Variants in PHKB observed in about 807,000 individuals in gnomAD.
PHKB encodes the protein phosphorylase b kinase regulatory subunit beta.
Under a neutral mutation model 152.1 loss-of-function variants are expected in PHKB, and 122 were observed. That is an observed-to-expected ratio of 0.80 (90% confidence interval 0.69 to 0.93). PHKB has a LOEUF of 0.93. PHKB is among the 40% of genes least tolerant of loss of function. PHKB has a pLI of 0.00. For synonymous variants in PHKB, 436 were observed against 464.9 expected, an observed-to-expected ratio of 0.94 and a Z score of 0.80; for missense variants, 1,304 against 1,328.4, an observed-to-expected ratio of 0.98 and a Z score of 0.29.
chr16:47,580,496 T>A, intron 8 of PHKB, 138 bp downstream of exon 8: 1 of 598,242 alleles, frequency 1.7e-6, no homozygotes. Context: ...GAACTTTTCC[T>A]TTGAAAATGA....
intron 1 of PHKB, among the ~76,000 whole-genome samples, chr16:47,485,963 A>T (rs79786774): frequency 6.9e-6 from 1 of 144,592 alleles, no homozygotes; most frequent in African/African-American, 2.5e-5. Context: ...ACAAAAGATT[A>T]AAAAAAAAAA....
chr16:47,581,148 A>G (rs750686699), intron 8 of PHKB, among the ~76,000 whole-genome samples: 6 of 152,234 alleles, frequency 3.9e-5, no homozygotes, highest in Non-Finnish European at 7.3e-5. Flanking sequence ...AGGAGGTTAC[A>G]CAGTTGTGCA....
intron 16 of PHKB, among the ~76,000 whole-genome samples, chr16:47,648,000 T>G (rs1280222530): frequency 6.6e-6 from 1 of 152,178 alleles, no homozygotes; most frequent in Non-Finnish European, 1.5e-5. Flanking sequence ...TATACCCCTT[T>G]CAGCGTATAC....
chr16:47,514,327 A>T (rs1207746517), intron 5 of PHKB, among the ~76,000 whole-genome samples: 1 of 152,180 alleles, frequency 6.6e-6, no homozygotes, highest in African/African-American at 2.4e-5. Flanking sequence ...GGATGCCACT[A>T]ATGTGGCTTA....
At chr16:47,565,095 C>G (rs1971542918) in intron 7 of PHKB, 1 of 490,688 alleles carries the variant, frequency 2.0e-6, no homozygotes. Context: ...TTGGTGTAAT[C>G]TTCTCCCTCG....
chr16:47,596,088 G>T (rs1972112742), intron 12 of PHKB, among the ~76,000 whole-genome samples: 1 of 152,208 alleles, frequency 6.6e-6, no homozygotes, highest in East Asian at 1.9e-4. Context: ...AATCATGGGG[G>T]GCGGTTTCCC....
At chr16:47,600,523 T>C (rs777497344) in intron 13 of PHKB, among the ~76,000 whole-genome samples, 4 of 152,186 alleles carry the variant, frequency 2.6e-5, no homozygotes, top group Non-Finnish European at 5.9e-5. Context: ...TTTTGAGCTA[T>C]TTGCAAAAAT....
At chr16:47,521,518 G>A (rs1333919991) in intron 6 of PHKB, among the ~76,000 whole-genome samples, 3 of 152,116 alleles carry the variant, frequency 2.0e-5, no homozygotes, top group African/African-American at 4.8e-5. Flanking sequence ...AGCTTGGCTT[G>A]GTGGCGTACA....
chr16:47,690,548 A>G (rs1437088350), intron 27 of PHKB, among the ~76,000 whole-genome samples: 2 of 152,216 alleles, frequency 1.3e-5, no homozygotes, highest in African/African-American at 4.8e-5. Flanking sequence ...CAGACAACCA[A>G]AATCCCAAAG....
At position 47,613,507 on chromosome 16, in the gene PHKB, T is replaced by C. The variant is rs114950562; in HGVS notation, c.1458+2587T>C. On this transcript the variant is annotated intron_variant, in intron 14 of 30. Coordinates refer to ENST00000323584, the MANE Select transcript of PHKB (RefSeq NM_000293.3). The stretch of plus-strand genomic sequence containing the variant: ...CAGATGTTCACCATAAACCACATTG[T>C]TAGTGCCAACTCTCTGGACAAACTG... Among the ~76,000 whole-genome samples, 1,143 of 152,340 alleles carry C rather than the reference T, an allele frequency of 7.5e-3. 19 individuals carry two copies. Among genetic ancestry groups the C allele is most frequent in the African/African-American group, 0.026 (1,083 of 41,574 alleles).
intron 25 of PHKB, chr16:47,666,041 T>G (rs914739419): frequency 6.3e-7 from 1 of 1,595,302 alleles, no homozygotes; most frequent in South Asian, 1.1e-5. Context: ...AGGTAAGTAT[T>G]TGCTTTTCAG....
intron 6 of PHKB, among the ~76,000 whole-genome samples, chr16:47,545,170 T>A: frequency 6.6e-6 from 1 of 152,240 alleles, no homozygotes; most frequent in East Asian, 1.9e-4. Flanking sequence ...TGTTAATTGA[T>A]GCAGTTTCTT....
chr16:47,494,101 G>A (rs541366909), intron 1 of PHKB, among the ~76,000 whole-genome samples: 21 of 152,346 alleles, frequency 1.4e-4, no homozygotes, highest in African/African-American at 4.6e-4. Context: ...AAGGTTGGGT[G>A]AAGGAGGACT....
intron 1 of PHKB, among the ~76,000 whole-genome samples, chr16:47,472,385 C>T (rs1969785132): frequency 6.6e-6 from 1 of 152,158 alleles, no homozygotes; most frequent in South Asian, 2.1e-4. Context: ...ATTGCGGTGG[C>T]TCATGCCTGT....
intron 1 of PHKB, among the ~76,000 whole-genome samples, chr16:47,470,948 T>TC (rs1436584384): frequency 6.6e-6 from 1 of 152,240 alleles, no homozygotes; most frequent in African/African-American, 2.4e-5. Flanking sequence ...CCTGGATTCC[T>TC]CCAGTTGTTT....
intron 28 of PHKB, among the ~76,000 whole-genome samples, chr16:47,695,374 TAGCAA>T (rs2142109054): frequency 6.6e-6 from 1 of 152,362 alleles, no homozygotes; most frequent in African/African-American, 2.4e-5. Context: ...TAACTGTGTT[TAGCAA>T]TGGGGCTTTA....
In PHKB at chr16:47,642,704, C is replaced by T. The variant is rs1597144840; in HGVS notation, c.1608+1012C>T. On this transcript the variant is annotated intron_variant, in intron 16 of 30. Transcript: ENST00000323584. ...CTCCAGTATCAGGCCTGGATCTTGA[C>T]ATTAGGCAACACAAACCAGAACCTG... Among the ~76,000 whole-genome samples the T allele has an allele frequency of 2.0e-5, 3 of 152,260 alleles. No individual in the cohort carries two copies. The East Asian group carries it at 5.8e-4, about 29-fold the overall frequency.
intron 13 of PHKB, among the ~76,000 whole-genome samples, chr16:47,604,138 C>T (rs751861017): frequency 4.6e-5 from 7 of 152,126 alleles, no homozygotes; most frequent in African/African-American, 7.2e-5. Flanking sequence ...ATTTCTTAGT[C>T]ACTCTTCTGT....
At chr16:47,643,261 T>C (rs1597145284) in intron 16 of PHKB, among the ~76,000 whole-genome samples, 1 of 152,296 alleles carries the variant, frequency 6.6e-6, no homozygotes, top group African/African-American at 2.4e-5. Flanking sequence ...TGTAGGACAC[T>C]CATATGAAAT....
Sources: allele counts gnomAD v4.1 joint callset (sites outside exome capture counted in the v4.1 genomes callset), GRCh38; gene constraint gnomAD v4.1.1; transcripts MANE v1.5; gene names NCBI Gene and HGNC (gene_info 2026-07-23, HGNC 2026-07-21).